Variants in ZC3H12C observed in about 807,000 individuals in gnomAD.
The protein encoded by ZC3H12C is zinc finger CCCH-type containing 12C.
ZC3H12C carries 20 observed loss-of-function variants against 76.3 expected under a neutral mutation model. The observed-to-expected ratio is 0.26, with a 90% CI of 0.18 to 0.38. The LOEUF (loss-of-function observed/expected upper bound fraction) is 0.38, where lower values mean the gene tolerates loss of function less well. ZC3H12C is among the 10% of genes least tolerant of loss of function. The pLI is 1.00. For missense variants in ZC3H12C, 874 were observed against 1,086.5 expected (o/e 0.80, Z 2.75); for synonymous variants, 352 against 399.6 (o/e 0.88, Z 1.42).
chr11:110,095,012 G>T (rs1447780523), intron 1 of ZC3H12C, among the ~76,000 whole-genome samples: 1 of 152,034 alleles, frequency 6.6e-6, no homozygotes, highest in East Asian at 1.9e-4. Context: ...AAAGTGACTG[G>T]CATTTTTTAG....
At position 110,134,269 on chromosome 11, in the gene ZC3H12C, G is replaced by A. The variant is rs117307456; in HGVS notation, c.22-2394G>A. 2.5e-3 allele frequency among the ~76,000 whole-genome samples: 377 copies of A among 152,148 alleles called. 1 individual carries two copies. The highest frequency in any genetic ancestry group is 4.2e-3 in the Non-Finnish European group (285 of 67,986). Reference sequence around the variant, plus strand: ...ATTGTTCTCGGAGGGTAAACCAGACGCACTTAAGTCCCAGTCTCTTTTATA... The same window carrying A: ...ATTGTTCTCGGAGGGTAAACCAGACACACTTAAGTCCCAGTCTCTTTTATA... On this transcript the variant is annotated intron_variant, in intron 1 of 5. Transcript: ENST00000278590.
intron 2 of ZC3H12C, among the ~76,000 whole-genome samples, chr11:110,138,230 T>C (rs922828645): frequency 1.0e-4 from 12 of 114,426 alleles, no homozygotes; most frequent in Non-Finnish European, 2.1e-4. Context: ...GCTGTGAAGA[T>C]AAAAAGATAT....
intron 1 of ZC3H12C, among the ~76,000 whole-genome samples, chr11:110,093,896 G>A (rs1363239326): frequency 2.6e-5 from 4 of 152,218 alleles, no homozygotes; most frequent in African/African-American, 9.6e-5. Context: ...CTGGCCATTC[G>A]CTTAACTATC....
chr11:110,098,702 C>T (rs1029798471), intron 1 of ZC3H12C, among the ~76,000 whole-genome samples: 1 of 152,156 alleles, frequency 6.6e-6, no homozygotes, highest in Non-Finnish European at 1.5e-5. Context: ...GTGTTTAGTA[C>T]AGTAATATGC....
At chr11:110,133,150 A>G (rs943444396) in intron 1 of ZC3H12C, among the ~76,000 whole-genome samples, 1 of 152,148 alleles carries the variant, frequency 6.6e-6, no homozygotes, top group Non-Finnish European at 1.5e-5. Flanking sequence ...GGTTGTTTTT[A>G]GGTGCCCTAT....
rs56199067 is a variant in ZC3H12C, at chr11:110,126,216, CTTT to C, written c.22-10424_22-10422del. 2.3e-4 allele frequency among the ~76,000 whole-genome samples: 20 copies of C among 86,258 alleles called. 4 individuals are homozygous for C. Among genetic ancestry groups the C allele is most frequent in the Non-Finnish European group, 3.6e-4 (15 of 42,082 alleles). 56.6% of individuals were successfully genotyped at this position (86,258 alleles called of 152,430 possible). ...TAGGAAAAGTAGTTGTTGTTTTCTT[CTTT>C]TTTTTTTTTTTTTTTTTTTTTTGAG... On this transcript the variant is annotated intron_variant, in intron 1 of 5. Coordinates refer to ENST00000278590, the MANE Select transcript of ZC3H12C (RefSeq NM_033390.2).
At chr11:110,152,443 T>G (rs989401695) in intron 2 of ZC3H12C, among the ~76,000 whole-genome samples, 13 of 152,248 alleles carry the variant, frequency 8.5e-5, no homozygotes, top group Non-Finnish European at 1.8e-4. Context: ...TGTGCAGTAT[T>G]CAGTCATTGA....
At chr11:110,160,977 C>T (rs1862468903) in intron 4 of ZC3H12C, among the ~76,000 whole-genome samples, 3 of 151,494 alleles carry the variant, frequency 2.0e-5, no homozygotes. Flanking sequence ...GCTGGAATTA[C>T]AGGCACGCCC....
At chr11:110,116,413 A>G (rs1359585828) in intron 1 of ZC3H12C, among the ~76,000 whole-genome samples, 3 of 152,202 alleles carry the variant, frequency 2.0e-5, no homozygotes, top group Non-Finnish European at 2.9e-5. Flanking sequence ...TCCAAAATTC[A>G]AATGTTGAGA....
chr11:110,113,223 A>G (rs970694190), intron 1 of ZC3H12C, among the ~76,000 whole-genome samples: 2 of 152,190 alleles, frequency 1.3e-5, no homozygotes, highest in Non-Finnish European at 2.9e-5. Flanking sequence ...GATGTTGAGT[A>G]TGGGAAAAAA....
intron 1 of ZC3H12C, among the ~76,000 whole-genome samples, chr11:110,108,823 C>G (rs1261627924): frequency 6.6e-6 from 1 of 152,188 alleles, no homozygotes; most frequent in Admixed American, 6.5e-5. Flanking sequence ...CTTTCTAAGT[C>G]TAAATGTTAC....
intron 1 of ZC3H12C, among the ~76,000 whole-genome samples, chr11:110,100,232 A>G (rs1489089662): frequency 4.5e-5 from 2 of 44,806 alleles, no homozygotes; most frequent in Admixed American, 2.3e-4. Context: ...TTTTTTTGAT[A>G]CAGGGTCTCT....
In ZC3H12C at chr11:110,129,139, G is replaced by A. The variant is rs557437518; in HGVS notation, c.22-7524G>A. ...TAGGTCTTACTTTAGAAATTAGTTT[G>A]TCATTCAGAACCTAGTAATTATATT... is the stretch of plus-strand genomic sequence containing the variant. On this transcript the variant is annotated intron_variant, in intron 1 of 5. Transcript: ENST00000278590. Among the ~76,000 whole-genome samples the A allele has an allele frequency of 5.1e-4, 78 of 152,192 alleles. 1 individual carries two copies. The South Asian group carries it at 6.4e-3, about 13-fold the overall frequency.
intron 1 of ZC3H12C, among the ~76,000 whole-genome samples, chr11:110,127,408 T>C (rs1172065888): frequency 8.5e-5 from 13 of 152,206 alleles, no homozygotes; most frequent in Admixed American, 3.9e-4. Context: ...TTAATGCCTA[T>C]TTGATTTTTT....
intron 1 of ZC3H12C, among the ~76,000 whole-genome samples, chr11:110,107,938 C>A (rs1421402836): frequency 6.6e-6 from 1 of 152,106 alleles, no homozygotes; most frequent in Non-Finnish European, 1.5e-5. Context: ...GCTGGGATTA[C>A]AGGTGTGAGC....
At chr11:110,108,297 C>T (rs1861368130) in intron 1 of ZC3H12C, among the ~76,000 whole-genome samples, 1 of 152,188 alleles carries the variant, frequency 6.6e-6, no homozygotes, top group African/African-American at 2.4e-5. Flanking sequence ...CCCTCTTTAC[C>T]TGGCTCCTTA....
In ZC3H12C at chr11:110,166,285, C is replaced by T. The variant is rs1862583374; in HGVS notation, c.*548C>T. ...TTATAGAAACAAAGTTATACTACAG[C>T]ACTGACTTTATATTTTAAACAGAAT... On this transcript the variant is annotated 3_prime_UTR_variant, in exon 6 of 6. Coordinates refer to ENST00000278590, the MANE Select transcript of ZC3H12C (RefSeq NM_033390.2). 1 of 152,994 alleles carries T rather than the reference C, an allele frequency of 6.5e-6. No homozygotes were observed. The highest frequency in any genetic ancestry group is 2.1e-4 in the South Asian group (1 of 4,864). 9.5% of individuals were successfully genotyped at this position (152,994 alleles called of 1,614,324 possible).
chr11:110,098,178 G>T (rs1430457942), intron 1 of ZC3H12C, among the ~76,000 whole-genome samples: 6 of 152,110 alleles, frequency 3.9e-5, no homozygotes, highest in Admixed American at 3.9e-4. Flanking sequence ...TGATCTTGGT[G>T]ATCCTGACCC....
intron 1 of ZC3H12C, among the ~76,000 whole-genome samples, chr11:110,134,949 C>CTAAT (rs1274876961): frequency 6.6e-6 from 1 of 152,266 alleles, no homozygotes; most frequent in East Asian, 1.9e-4. Flanking sequence ...ACTTGACTCT[C>CTAAT]TAATTAAAGT....
Sources: allele counts gnomAD v4.1 joint callset (sites outside exome capture counted in the v4.1 genomes callset), GRCh38; gene constraint gnomAD v4.1.1; transcripts MANE v1.5; gene names NCBI Gene and HGNC (gene_info 2026-07-23, HGNC 2026-07-21).